Variants in ADGRB3 observed in about 807,000 individuals in gnomAD.
The protein encoded by ADGRB3 is brain-specific angiogenesis inhibitor 3.
A neutral mutation model predicts 193.4 loss-of-function variants in ADGRB3; 37 were observed. The observed-to-expected ratio is 0.19, with a 90% CI of 0.15 to 0.25. The LOEUF is 0.25. ADGRB3 is among the 10% of genes least tolerant of loss of function. The pLI is 1.00. For synonymous variants in ADGRB3, 690 were observed against 644.2 expected (o/e 1.07, Z -1.08); for missense variants, 1,637 against 1,852.9 (o/e 0.88, Z 2.14).
At chr6:69,246,613 T>TG (rs752609795) in intron 20 of ADGRB3, among the ~76,000 whole-genome samples, 1 of 152,130 alleles carries the variant, frequency 6.6e-6, no homozygotes, top group Non-Finnish European at 1.5e-5. Flanking sequence ...ATTTCCAGAT[T>TG]TGTGTGGTAA....
At chr6:68,753,132 G>C in intron 3 of ADGRB3, among the ~76,000 whole-genome samples, 2 of 152,270 alleles carry the variant, frequency 1.3e-5, no homozygotes, top group East Asian at 3.9e-4. Flanking sequence ...AGGCGATAGG[G>C]ATAGTGTGGT....
chr6:69,195,622 T>A (rs116381487), intron 17 of ADGRB3, among the ~76,000 whole-genome samples: 2,726 of 152,070 alleles, frequency 0.018, 76 homozygotes, highest in African/African-American at 0.062. Context: ...TGGCCTTTCT[T>A]CTTACAATTT....
intron 3 of ADGRB3, among the ~76,000 whole-genome samples, chr6:68,919,506 T>C (rs1174882485): frequency 6.6e-6 from 1 of 152,104 alleles, no homozygotes; most frequent in East Asian, 1.9e-4. Flanking sequence ...CCATACCTGA[T>C]CCTGTAGGAA....
intron 3 of ADGRB3, among the ~76,000 whole-genome samples, chr6:68,916,715 A>C (rs2150240190): frequency 6.6e-6 from 1 of 152,296 alleles, no homozygotes; most frequent in African/African-American, 2.4e-5. Context: ...AAGCACAATT[A>C]GTTTTTCAGT....
intron 8 of ADGRB3, among the ~76,000 whole-genome samples, chr6:68,959,200 A>G (rs141458569): frequency 1.3e-5 from 2 of 152,212 alleles, no homozygotes; most frequent in African/African-American, 4.8e-5. Context: ...TCCTCTCTGT[A>G]GTCAATGTGT....
intron 3 of ADGRB3, among the ~76,000 whole-genome samples, chr6:68,729,941 G>C (rs192155972): frequency 3.3e-5 from 5 of 151,516 alleles, no homozygotes; most frequent in Admixed American, 3.3e-4. Context: ...TAAGAAACTA[G>C]CTTTGCCTTT....
intron 17 of ADGRB3, among the ~76,000 whole-genome samples, chr6:69,091,431 C>T (rs886949155): frequency 6.6e-6 from 1 of 152,116 alleles, no homozygotes; most frequent in Non-Finnish European, 1.5e-5. Flanking sequence ...AAATGTGGTA[C>T]ATATACACCA....
intron 17 of ADGRB3, among the ~76,000 whole-genome samples, chr6:69,207,048 C>A (rs1561952607): frequency 6.6e-6 from 1 of 152,182 alleles, no homozygotes; most frequent in Non-Finnish European, 1.5e-5. Flanking sequence ...CTGATTTCAT[C>A]TTGATAGTCT....
At chr6:68,933,062 CTTTA>C (rs993198075) in intron 4 of ADGRB3, among the ~76,000 whole-genome samples, 21 of 149,928 alleles carry the variant, frequency 1.4e-4, no homozygotes, top group African/African-American at 3.2e-4. Context: ...ATCATGCAAT[CTTTA>C]TTTATTATTA....
At chr6:68,962,500 T>G (rs1768263989) in intron 8 of ADGRB3, among the ~76,000 whole-genome samples, 1 of 152,174 alleles carries the variant, frequency 6.6e-6, no homozygotes, top group South Asian at 2.1e-4. Flanking sequence ...TCTTACAGTT[T>G]CTGCCATGAA....
At chr6:69,240,389 G>C (rs1222907264) in intron 20 of ADGRB3, among the ~76,000 whole-genome samples, 1 of 152,026 alleles carries the variant, frequency 6.6e-6, no homozygotes. Context: ...TCGTGTCTTT[G>C]AGTGTTTAAT....
At chr6:69,297,345 T>C (rs1767844246) in intron 20 of ADGRB3, among the ~76,000 whole-genome samples, 1 of 116,710 alleles carries the variant, frequency 8.6e-6, no homozygotes, top group Admixed American at 8.8e-5. Flanking sequence ...CTGATATCTC[T>C]CTCTCTCTCT....
chr6:69,342,784 G>C (rs920353392), intron 26 of ADGRB3, among the ~76,000 whole-genome samples: 3 of 152,020 alleles, frequency 2.0e-5, no homozygotes, highest in African/African-American at 7.2e-5. Flanking sequence ...TTGGATCCTA[G>C]AAATACAGTT....
intron 17 of ADGRB3, among the ~76,000 whole-genome samples, chr6:69,214,114 A>G (rs2127242550): frequency 6.6e-6 from 1 of 152,316 alleles, no homozygotes; most frequent in East Asian, 1.9e-4. Context: ...TTTGACCTGA[A>G]CTGGAGAAGA....
intron 3 of ADGRB3, among the ~76,000 whole-genome samples, chr6:68,767,887 A>G (rs1235879645): frequency 1.3e-5 from 2 of 152,148 alleles, no homozygotes; most frequent in Non-Finnish European, 2.9e-5. Context: ...GCATCCCTAT[A>G]CACCAATGTT....
intron 17 of ADGRB3, among the ~76,000 whole-genome samples, chr6:69,089,844 T>C (rs941249918): frequency 6.6e-6 from 1 of 152,158 alleles, no homozygotes; most frequent in African/African-American, 2.4e-5. Context: ...CCTGACCCTC[T>C]TAGTTGTGAT....
At chr6:69,127,773 A>G (rs1460957061) in intron 17 of ADGRB3, among the ~76,000 whole-genome samples, 1 of 152,186 alleles carries the variant, frequency 6.6e-6, no homozygotes. Context: ...ATTGAGAACA[A>G]CTTGGGTGCA....
intron 17 of ADGRB3, among the ~76,000 whole-genome samples, chr6:69,208,375 A>G (rs1354871546): frequency 6.6e-6 from 1 of 152,194 alleles, no homozygotes; most frequent in African/African-American, 2.4e-5. Flanking sequence ...TGTTCCAATC[A>G]TGCTTCTTCC....
chr6:68,794,891 C>T (rs976406592), intron 3 of ADGRB3, among the ~76,000 whole-genome samples: 2 of 152,042 alleles, frequency 1.3e-5, no homozygotes, highest in South Asian at 4.1e-4. Context: ...CCTAAGATGG[C>T]AAAACACTCT....
Sources: gnomAD v4.1 joint callset for allele counts (sites outside exome capture counted in the v4.1 genomes callset) on GRCh38, gnomAD v4.1.1 for gene constraint, MANE v1.5 for transcripts, NCBI Gene and HGNC (gene_info 2026-07-23, HGNC 2026-07-21) for gene names.